IFT57: variants seen among roughly 807,000 people sequenced by gnomAD.
IFT57 encodes the protein intraflagellar transport 57, also known as intraflagellar transport protein 57 homolog.
Under a neutral mutation model 56.8 loss-of-function variants are expected in IFT57, and 59 were observed. That is an observed-to-expected ratio of 1.04 (90% CI 0.84 to 1.29). The LOEUF is 1.29. Among genes scored for constraint, IFT57 ranks in the 50% most tolerant of loss-of-function variants. The probability of loss-of-function intolerance (pLI) is 0.00; values close to 1 mark genes in which losing one functional copy is unlikely to be tolerated. For synonymous variants in IFT57, 209 were observed against 186.1 expected (o/e 1.12, Z -1.00); for missense variants, 470 against 522.1 (o/e 0.90, Z 0.97).
chr3:108,213,635 A>C (rs1187867948), intron 4 of IFT57, among the ~76,000 whole-genome samples: 1 of 152,226 alleles, frequency 6.6e-6, no homozygotes, highest in Non-Finnish European at 1.5e-5. Flanking sequence ...TATTAGTCAC[A>C]GTCTATTTAA....
intron 6 of IFT57, among the ~76,000 whole-genome samples, 168 bp from the exon 7 acceptor site, chr3:108,168,032 C>T (rs1343451147): frequency 6.6e-6 from 1 of 151,896 alleles, no homozygotes; most frequent in East Asian, 1.9e-4. Flanking sequence ...GTGTAGAGCA[C>T]TTTAGGATAA....
chr3:108,200,614 T>C (rs756359908), intron 5 of IFT57, among the ~76,000 whole-genome samples: 2 of 152,202 alleles, frequency 1.3e-5, no homozygotes, highest in Non-Finnish European at 2.9e-5. Context: ...ATTTATAGAA[T>C]GACAGCTCTC....
chr3:108,185,043 A>G (rs979802783), intron 6 of IFT57, among the ~76,000 whole-genome samples: 19 of 152,198 alleles, frequency 1.2e-4, no homozygotes, highest in Non-Finnish European at 2.2e-4. Context: ...TCATTTCAAG[A>G]TAAATGAATC....
intron 6 of IFT57, among the ~76,000 whole-genome samples, chr3:108,169,408 G>T (rs905869422): frequency 5.9e-5 from 9 of 151,806 alleles, no homozygotes; most frequent in African/African-American, 2.2e-4. Context: ...TGGATAGATT[G>T]CAAAAATTTT....
intron 3 of IFT57, among the ~76,000 whole-genome samples, chr3:108,217,467 A>G (rs2080379027): frequency 6.6e-6 from 1 of 152,066 alleles, no homozygotes; most frequent in African/African-American, 2.4e-5. Flanking sequence ...CCATGTAGCC[A>G]TTCTTTATAT....
At chr3:108,179,646 A>T (rs961451402) in intron 6 of IFT57, among the ~76,000 whole-genome samples, 1 of 151,998 alleles carries the variant, frequency 6.6e-6, no homozygotes, top group Non-Finnish European at 1.5e-5. Flanking sequence ...GTGAGTGTAT[A>T]TGTGTGAGAG....
chr3:108,175,761 G>C (rs758905863), intron 6 of IFT57, among the ~76,000 whole-genome samples: 1 of 151,268 alleles, frequency 6.6e-6, no homozygotes, highest in Admixed American at 6.6e-5. Context: ...TCTATGTATC[G>C]GTTTCATTAG....
chr3:108,163,654 T>G lies in IFT57; in HGVS notation c.1111+9A>C. The G allele has an allele frequency of 6.2e-7, 1 of 1,602,766 alleles. No homozygotes were observed. The highest frequency in any genetic ancestry group is 8.5e-7 in the Non-Finnish European group (1 of 1,170,600). ...CTCAGTTTTTCCCCTAAAATGAGCA[T>G]GTACTTACCACCATCAGTCATGCTG... On this transcript the variant is annotated intron_variant, in intron 10 of 10. Transcript: ENST00000264538.
chr3:108,217,082 G>A (rs2080377121), intron 3 of IFT57, among the ~76,000 whole-genome samples: 1 of 152,008 alleles, frequency 6.6e-6, no homozygotes, highest in African/African-American at 2.4e-5. Flanking sequence ...TTTGAAAATA[G>A]CTCATAGAGA....
At chr3:108,165,355 T>G in intron 9 of IFT57, 76 bp downstream of exon 9, 1 of 1,161,248 alleles carries the variant, frequency 8.6e-7, no homozygotes, top group Non-Finnish European at 1.3e-6. Flanking sequence ...ATTAGCAGTG[T>G]TAAACCATTT....
intron 5 of IFT57, among the ~76,000 whole-genome samples, chr3:108,195,509 A>T (rs2080238929): frequency 6.6e-6 from 1 of 152,178 alleles, no homozygotes; most frequent in South Asian, 2.1e-4. Context: ...GTTAAAGAGA[A>T]ATCTGCATTC....
chr3:108,206,042 ATATAT>A (rs1368650709), intron 5 of IFT57, among the ~76,000 whole-genome samples: 1 of 118,206 alleles, frequency 8.5e-6, no homozygotes, highest in Admixed American at 1.0e-4. Flanking sequence ...TATTTATAAT[ATATAT>A]TATATATTAT....
chr3:108,177,631 GA>G (rs568406188), intron 6 of IFT57, among the ~76,000 whole-genome samples: 4 of 147,630 alleles, frequency 2.7e-5, no homozygotes, highest in Non-Finnish European at 3.0e-5. Context: ...AAGAGATGAA[GA>G]AAAAAAAATT....
chr3:108,209,759 T>G (rs1435504231), intron 4 of IFT57, among the ~76,000 whole-genome samples: 1 of 152,218 alleles, frequency 6.6e-6, no homozygotes, highest in Non-Finnish European at 1.5e-5. Flanking sequence ...TGACTCAGAC[T>G]GAAACAAACT....
chr3:108,163,633 G>C lies in IFT57; in HGVS notation c.1111+30C>G, dbSNP rs777182246. The C allele has an allele frequency of 3.3e-6, 5 of 1,519,292 alleles. No homozygotes were observed. In the Admixed American group the frequency reaches 8.6e-5, roughly 26 times the overall value. 94.1% of individuals were successfully genotyped at this position (1,519,292 alleles called of 1,614,324 possible). On this transcript the variant is annotated intron_variant, in intron 10 of 10. Transcript: ENST00000264538. ...TGAAGAGCTATTTTTCTCTTGCTCA[G>C]TTTTTCCCCTAAAATGAGCATGTAC...
At chr3:108,183,360 G>C (rs2080162137) in intron 6 of IFT57, among the ~76,000 whole-genome samples, 1 of 152,106 alleles carries the variant, frequency 6.6e-6, no homozygotes, top group East Asian at 1.9e-4. Flanking sequence ...GCAGCAGCCA[G>C]ACCGGGAAGC....
intron 4 of IFT57, among the ~76,000 whole-genome samples, chr3:108,208,383 G>A (rs1483572095): frequency 6.6e-6 from 1 of 152,180 alleles, no homozygotes; most frequent in East Asian, 1.9e-4. Flanking sequence ...GAAGAGACAA[G>A]TTTCTAATGC....
At chr3:108,176,276 T>C (rs2080123586) in intron 6 of IFT57, among the ~76,000 whole-genome samples, 1 of 151,864 alleles carries the variant, frequency 6.6e-6, no homozygotes, top group Non-Finnish European at 1.5e-5. Flanking sequence ...GAATTCATTT[T>C]CTCTAGAGAT....
At chr3:108,216,063 T>C (rs1452228298) in intron 3 of IFT57, among the ~76,000 whole-genome samples, 1 of 152,152 alleles carries the variant, frequency 6.6e-6, no homozygotes, top group Non-Finnish European at 1.5e-5. Context: ...CTTCATGACA[T>C]TGGTCTGGGC....
Sources: gnomAD v4.1 joint callset for allele counts (sites outside exome capture counted in the v4.1 genomes callset) on GRCh38, gnomAD v4.1.1 for gene constraint, MANE v1.5 for transcripts, NCBI Gene and HGNC (gene_info 2026-07-23, HGNC 2026-07-21) for gene names.